The following RPTOR variants were observed in gnomAD, a reference collection of about 807,000 sequenced individuals.
RPTOR encodes regulatory-associated protein of mTOR.
A neutral mutation model predicts 169.9 loss-of-function variants in RPTOR; 21 were observed. The ratio of observed to expected loss-of-function variants is 0.12; its 90% CI spans 0.09 to 0.18. The LOEUF (loss-of-function observed/expected upper bound fraction) is 0.18, where lower values mean the gene tolerates loss of function less well. RPTOR is among the 10% of genes least tolerant of loss of function. The pLI, the probability that RPTOR is intolerant of heterozygous loss-of-function variation, is 1.00. For synonymous variants in RPTOR, 732 were observed against 753.2 expected (o/e 0.97, Z 0.46); for missense variants, 1,133 against 1,855.9 (o/e 0.61, Z 7.16).
At chr17:80,742,881 T>G (rs1386791544) in intron 5 of RPTOR, among the ~76,000 whole-genome samples, 1 of 151,824 alleles carries the variant, frequency 6.6e-6, no homozygotes, top group Non-Finnish European at 1.5e-5. Flanking sequence ...CATGGACATA[T>G]ACACACATGC....
intron 3 of RPTOR, among the ~76,000 whole-genome samples, chr17:80,679,236 C>A (rs1481833883): frequency 6.6e-6 from 1 of 152,206 alleles, no homozygotes; most frequent in Admixed American, 6.5e-5. Flanking sequence ...GAGATTGTGC[C>A]ACTGCACTCC....
chr17:80,608,357 G>A (rs937103629), intron 1 of RPTOR, among the ~76,000 whole-genome samples: 8 of 151,962 alleles, frequency 5.3e-5, no homozygotes, highest in South Asian at 2.1e-4. Context: ...GAATATTCTC[G>A]AGGTCTTCCC....
intron 21 of RPTOR, among the ~76,000 whole-genome samples, chr17:80,913,010 G>A (rs1053708608): frequency 6.6e-6 from 1 of 152,144 alleles, no homozygotes; most frequent in Non-Finnish European, 1.5e-5. Context: ...GTGTGTCTGT[G>A]TGCGTGTGTG....
At chr17:80,835,352 A>T (rs2067552151) in intron 9 of RPTOR, among the ~76,000 whole-genome samples, 1 of 152,168 alleles carries the variant, frequency 6.6e-6, no homozygotes, top group African/African-American at 2.4e-5. Context: ...ACGGAGTGTC[A>T]TTAACCTAAA....
At chr17:80,822,516 G>C (rs538820968) in intron 8 of RPTOR, among the ~76,000 whole-genome samples, 6 of 152,374 alleles carry the variant, frequency 3.9e-5, no homozygotes, top group South Asian at 2.1e-4. Flanking sequence ...GTGGTGTGGA[G>C]AGACTGCGTG....
At position 80,651,019 on chromosome 17, in the gene RPTOR, T is replaced by G. The variant is rs956893782; in HGVS notation, c.348+7209T>G. ...GGGAGTTGTCTGTGTGTATGACAAA[T>G]TGCAAATGAGGACCCCCCACCGTCA... On this transcript the variant is annotated intron_variant, in intron 3 of 33. Transcript: ENST00000306801. The surrounding 1 kb of genome is among the most constrained non-coding windows in gnomAD (Gnocchi z 4.1). Among the ~76,000 whole-genome samples the G allele has an allele frequency of 1.3e-5, 2 of 152,302 alleles. No individual in the cohort carries two copies. The highest frequency in any genetic ancestry group is 6.5e-5 in the Admixed American group (1 of 15,292).
At chr17:80,794,041 C>T (rs2067076484) in intron 7 of RPTOR, among the ~76,000 whole-genome samples, 1 of 152,110 alleles carries the variant, frequency 6.6e-6, no homozygotes, top group Admixed American at 6.6e-5. Context: ...AAAATGTGCA[C>T]AGCAACATGA....
chr17:80,892,955 GC>G, intron 19 of RPTOR, 86 bp downstream of exon 19: 1 of 1,484,626 alleles, frequency 6.7e-7, no homozygotes, highest in Non-Finnish European at 9.1e-7. Context: ...GCACCACTCT[GC>G]CCCTGCCCCT....
chr17:80,859,869 C>T (rs942037831), intron 13 of RPTOR, among the ~76,000 whole-genome samples: 11 of 152,202 alleles, frequency 7.2e-5, no homozygotes, highest in Non-Finnish European at 1.5e-4. Context: ...GGTGAGGCGC[C>T]GCCCACAGGA....
At chr17:80,811,169 A>G (rs1000630785) in intron 7 of RPTOR, among the ~76,000 whole-genome samples, 2 of 152,238 alleles carry the variant, frequency 1.3e-5, no homozygotes, top group African/African-American at 2.4e-5. Flanking sequence ...TCAAGGATCA[A>G]TGACAGGGAA....
chr17:80,913,133 A>C (rs1277201937), intron 21 of RPTOR, among the ~76,000 whole-genome samples: 1 of 152,222 alleles, frequency 6.6e-6, no homozygotes, highest in African/African-American at 2.4e-5. Flanking sequence ...ATTTCAAGAA[A>C]TGCCTTATTT....
chr17:80,556,076 C>T (rs1374049213), intron 1 of RPTOR, among the ~76,000 whole-genome samples: 2 of 149,690 alleles, frequency 1.3e-5, no homozygotes, highest in African/African-American at 4.9e-5. Flanking sequence ...CCGAGACTCA[C>T]ATGAGACACT....
intron 3 of RPTOR, among the ~76,000 whole-genome samples, chr17:80,677,094 A>G (rs1411889863): frequency 6.6e-6 from 1 of 152,172 alleles, no homozygotes; most frequent in East Asian, 1.9e-4. Context: ...GCATTATGCC[A>G]TGTTGTTCTT....
chr17:80,668,462 C>T (rs1294788176), intron 3 of RPTOR, among the ~76,000 whole-genome samples: 1 of 152,230 alleles, frequency 6.6e-6, no homozygotes, highest in East Asian at 1.9e-4. Context: ...GTCCCCTCAG[C>T]ATGCACTTGT....
chr17:80,901,897 A>T (rs936186102), intron 20 of RPTOR, among the ~76,000 whole-genome samples: 1 of 151,590 alleles, frequency 6.6e-6, no homozygotes, highest in Non-Finnish European at 1.5e-5. Flanking sequence ...TCCCCGTGGC[A>T]ATGAAGCCCC....
At chr17:80,819,244 C>T (rs1227739742) in intron 7 of RPTOR, among the ~76,000 whole-genome samples, 1 of 152,176 alleles carries the variant, frequency 6.6e-6, no homozygotes, top group East Asian at 1.9e-4. Context: ...CAGGTGGGCA[C>T]ACTCATTGCA....
chr17:80,639,618 G>A (rs1008002644), intron 2 of RPTOR, among the ~76,000 whole-genome samples: 8 of 152,150 alleles, frequency 5.3e-5, no homozygotes, highest in Non-Finnish European at 1.0e-4. Context: ...GTCAGCCTGC[G>A]CTCATCTTCA....
chr17:80,791,652 A>G, intron 7 of RPTOR, 143 bp downstream of exon 7: 1 of 711,192 alleles, frequency 1.4e-6, no homozygotes, highest in Admixed American at 3.2e-5. Context: ...TTCTCTGATT[A>G]AGGCTGTGTT....
At chr17:80,948,788 C>T (rs2176033) in intron 27 of RPTOR, 16,758 of 152,564 alleles carry the variant, frequency 0.11, 2,209 homozygotes, top group African/African-American at 0.32. Context: ...TCAGAGTGCC[C>T]GCATGCTTTC....
Sources: gnomAD v4.1 joint callset for allele counts (sites outside exome capture counted in the v4.1 genomes callset) on GRCh38, gnomAD v4.1.1 for gene constraint, Gnocchi (gnomAD v3.1) non-coding constraint, MANE v1.5 for transcripts, NCBI Gene and HGNC (gene_info 2026-07-23, HGNC 2026-07-21) for gene names.